Variants in ZNF653 observed in about 807,000 individuals in gnomAD.
ZNF653 encodes 67 kDa zinc finger protein.
Under a neutral mutation model 59.9 loss-of-function variants are expected in ZNF653, and 37 were observed. That is an observed-to-expected ratio of 0.62 (90% CI 0.48 to 0.81). The LOEUF is 0.81. ZNF653 is among the 40% of genes least tolerant of loss of function. ZNF653 has a pLI of 0.00. For missense variants in ZNF653, 808 were observed against 881.1 expected (o/e 0.92, Z 1.05); for synonymous variants, 435 against 371.8 (o/e 1.17, Z -1.96).
intron 6 of ZNF653, among the ~76,000 whole-genome samples, chr19:11,486,234 C>T (rs1480026841): frequency 6.6e-6 from 1 of 152,210 alleles, no homozygotes; most frequent in African/African-American, 2.4e-5. Context: ...GCTGGGATTA[C>T]AGGTGTGAGC....
At chr19:11,485,151 G>A (rs1046362038) in intron 7 of ZNF653, among the ~76,000 whole-genome samples, 42 of 151,230 alleles carry the variant, frequency 2.8e-4, no homozygotes, top group African/African-American at 9.7e-4. Context: ...ATGCCCTATC[G>A]CTGGACACAG....
At chr19:11,491,629 C>G (rs1046736012) in intron 3 of ZNF653, among the ~76,000 whole-genome samples, 4 of 152,012 alleles carry the variant, frequency 2.6e-5, no homozygotes, top group African/African-American at 9.7e-5. Flanking sequence ...GCTCTGTCGC[C>G]CAGGCTGGAG....
chr19:11,493,062 T>G (rs1971545812), intron 3 of ZNF653, among the ~76,000 whole-genome samples: 1 of 124,612 alleles, frequency 8.0e-6, no homozygotes, highest in Admixed American at 8.6e-5. Context: ...CTCGGGAGTG[T>G]TTTTTTTTTT....
At chr19:11,504,154 C>A (rs1480130970) in intron 1 of ZNF653, among the ~76,000 whole-genome samples, 1 of 152,172 alleles carries the variant, frequency 6.6e-6, no homozygotes, top group African/African-American at 2.4e-5. Context: ...GTAATCCCAG[C>A]ACTTTGGGAG....
In ZNF653 at chr19:11,487,040, C is replaced by T. The variant is rs1446982791; in HGVS notation, c.1290G>A (p.Leu430=). 4 of 1,614,190 alleles carry T rather than the reference C, an allele frequency of 2.5e-6. No individual in the cohort carries two copies. Among genetic ancestry groups the T allele is most frequent in the Non-Finnish European group, 3.4e-6 (4 of 1,180,024 alleles). Residue 430 remains leucine, a synonymous_variant, in exon 5 of 9, where the codon CTG becomes CTA. Transcript: ENST00000293771. This position sits in a 1 kb window ranked among gnomAD's most constrained non-coding sequence, Gnocchi z 5.1. ...TGATGGCTGACATGTCGCTGCCGTC[C>T]AGCTCCTCCCCGTCCGCCTCTGCCT... ...EPEAEADGEE[L]DGSDMSAIIY...
intron 6 of ZNF653, 113 bp from the exon 7 acceptor site, chr19:11,485,883 A>G (rs1229575508): frequency 5.2e-6 from 4 of 772,448 alleles, no homozygotes; most frequent in Non-Finnish European, 9.1e-6. Context: ...CCCCAGGAGG[A>G]GGGAAGAGGG....
At chr19:11,498,422 C>T in intron 1 of ZNF653, 83 bp from the exon 2 acceptor site, 2 of 1,571,044 alleles carry the variant, frequency 1.3e-6, no homozygotes, top group East Asian at 4.5e-5. Flanking sequence ...GTGGCTAGAG[C>T]CACTGCTCAT....
At chr19:11,499,015 G>A (rs1224453904) in intron 1 of ZNF653, among the ~76,000 whole-genome samples, 2 of 152,254 alleles carry the variant, frequency 1.3e-5, no homozygotes, top group East Asian at 1.9e-4. Flanking sequence ...GTGAGCCACC[G>A]TGCCCAGCCT....
At position 11,483,869 on chromosome 19, in the gene ZNF653, G is replaced by T; in HGVS notation, c.1671-10C>A. 6.8e-7 allele frequency: 1 copy of T among 1,462,490 alleles called. No individual in the cohort carries two copies. The highest frequency in any genetic ancestry group is 1.9e-5 in the Admixed American group (1 of 52,744). The allele number at this position is 1,462,490 out of a possible 1,614,324, so 90.6% of individuals were successfully genotyped here. On this transcript the variant is annotated splice_polypyrimidine_tract_variant and intron_variant, in intron 8 of 8. Transcript: ENST00000293771. ...GCCACAGATCTCGCACCTGCCGGGA[G>T]CCCGTGGCGGGACGGGGCGGGGTCA... is the stretch of plus-strand genomic sequence containing the variant.
At chr19:11,485,235 C>T (rs1001454698) in intron 7 of ZNF653, among the ~76,000 whole-genome samples, 1 of 151,922 alleles carries the variant, frequency 6.6e-6, no homozygotes, top group African/African-American at 2.4e-5. Flanking sequence ...AAACAGAAGC[C>T]CAGTCCCAAG....
intron 2 of ZNF653, among the ~76,000 whole-genome samples, chr19:11,497,987 C>A (rs1971605788): frequency 6.6e-6 from 1 of 152,212 alleles, no homozygotes; most frequent in Non-Finnish European, 1.5e-5. Flanking sequence ...GCCAGCAGGA[C>A]AGGAGGAGCA....
At chr19:11,504,253 T>A (rs569576109) in intron 1 of ZNF653, among the ~76,000 whole-genome samples, 1 of 151,510 alleles carries the variant, frequency 6.6e-6, no homozygotes, top group African/African-American at 2.4e-5. Context: ...TACAAAAAAT[T>A]AGCCGGGCGT....
At position 11,486,814 on chromosome 19, in the gene ZNF653, T is replaced by C; in HGVS notation, c.1410A>G (p.Pro470=). ...ADGLLEMFHC[P]YEGCSQVYVA... Reference sequence around the variant, plus strand: ...CGTAGACTTGGCTGCAGCCCTCGTATGGGCAGTGGAACATCTCGAGCAGGC... The same window carrying C: ...CGTAGACTTGGCTGCAGCCCTCGTACGGGCAGTGGAACATCTCGAGCAGGC... Residue 470 remains proline, a synonymous_variant, in exon 6 of 9, where the codon CCA becomes CCG. Coordinates refer to ENST00000293771, the MANE Select transcript of ZNF653 (RefSeq NM_138783.4). The C allele has an allele frequency of 1.2e-6, 2 of 1,612,112 alleles. No homozygotes were observed. Among genetic ancestry groups the C allele is most frequent in the South Asian group, 1.1e-5 (1 of 90,722 alleles).
intron 1 of ZNF653, among the ~76,000 whole-genome samples, chr19:11,499,612 A>T (rs76708185): frequency 0.056 from 6,612 of 117,766 alleles, 252 homozygotes; most frequent in East Asian, 0.18. Context: ...TTATACAATT[A>T]AAAAAAAAAA....
In ZNF653 at chr19:11,495,769, C is replaced by T. The variant is rs375869212; in HGVS notation, c.559+181G>A. ...CCTCCCCACTCAAGCTCTGTAAGGA[C>T]GCAAAGAGGGCAAGGCCACGAAGGA... On this transcript the variant is annotated intron_variant, in intron 3 of 8. Coordinates refer to ENST00000293771, the MANE Select transcript of ZNF653 (RefSeq NM_138783.4). This position sits in a 1 kb window ranked among gnomAD's most constrained non-coding sequence, Gnocchi z 4.9. 32 of 633,500 alleles carry T rather than the reference C, an allele frequency of 5.1e-5. No individual in the cohort carries two copies. The highest frequency in any genetic ancestry group is 4.8e-4 in the Admixed American group (17 of 35,206). 39.2% of individuals were successfully genotyped at this position (633,500 alleles called of 1,614,324 possible).
rs1226008469 is a variant in ZNF653 at position 11,487,867 on chromosome 19, G to C, written c.596C>G (p.Ser199Cys). 6.2e-7 allele frequency: 1 copy of C among 1,605,694 alleles called. No individual in the cohort carries two copies. Residue 199 changes from serine (S) to cysteine (C), a missense_variant, in exon 4 of 9, where the codon TCC (serine) becomes TGC (cysteine). Transcript: ENST00000293771. This position sits in a 1 kb window ranked among gnomAD's most constrained non-coding sequence, Gnocchi z 5.1. ...NGLVAGSSDS[S>C]SSGSASDSEE... ...AGAGTCAGAGGCAGAGCCAGAGCTG[G>C]ATGAGTCAGAGCTGCCAGCCACCAG... is the stretch of plus-strand genomic sequence containing the variant.
intron 3 of ZNF653, among the ~76,000 whole-genome samples, chr19:11,488,939 A>C (rs1173283107): frequency 1.3e-5 from 2 of 150,736 alleles, no homozygotes; most frequent in African/African-American, 2.5e-5. Context: ...TCGTTCTGTC[A>C]CCCAGGCTGG....
At chr19:11,502,072 C>T (rs560693788) in intron 1 of ZNF653, among the ~76,000 whole-genome samples, 341 of 151,866 alleles carry the variant, frequency 2.2e-3, no homozygotes, top group African/African-American at 8.0e-3. Flanking sequence ...GGATTATAGG[C>T]GTGAGCCATC....
chr19:11,492,985 G>A (rs1002510758), intron 3 of ZNF653, among the ~76,000 whole-genome samples: 2 of 151,954 alleles, frequency 1.3e-5, no homozygotes, highest in Admixed American at 1.3e-4. Flanking sequence ...AGCCTCAAGT[G>A]ATCCACCTGC....
Sources: allele counts gnomAD v4.1 joint callset (sites outside exome capture counted in the v4.1 genomes callset), GRCh38; gene constraint gnomAD v4.1.1; non-coding constraint Gnocchi (gnomAD v3.1); transcripts MANE v1.5; gene names NCBI Gene and HGNC (gene_info 2026-07-23, HGNC 2026-07-21).